Variants in TAOK3 observed in about 807,000 individuals in gnomAD.
TAOK3 encodes the protein TAO kinase 3.
A neutral mutation model predicts 120.4 loss-of-function variants in TAOK3; 40 were observed. That is an observed-to-expected ratio of 0.33 (90% CI 0.26 to 0.43). The LOEUF is 0.43. TAOK3 is among the 20% of genes least tolerant of loss of function. The pLI, the probability that TAOK3 is intolerant of heterozygous loss-of-function variation, is 1.00. For missense variants in TAOK3, 821 were observed against 1,112.1 expected, an observed-to-expected ratio of 0.74 and a Z score of 3.72; for synonymous variants, 355 against 387.5, an observed-to-expected ratio of 0.92 and a Z score of 0.99.
intron 1 of TAOK3, among the ~76,000 whole-genome samples, chr12:118,311,936 C>A (rs1050779479): frequency 6.6e-6 from 1 of 152,046 alleles, no homozygotes; most frequent in Non-Finnish European, 1.5e-5. Context: ...AAAAATAAAA[C>A]CACTAATGAA....
At position 118,199,070 on chromosome 12, in the gene TAOK3, G is replaced by A; in HGVS notation, c.1175C>T (p.Ser392Phe). The A allele has an allele frequency of 6.2e-7, 1 of 1,614,174 alleles. No homozygotes were observed. Among genetic ancestry groups the A allele is most frequent in the South Asian group, 1.1e-5 (1 of 91,074 alleles). Residue 392 changes from serine (S) to phenylalanine (F), a missense_variant, in exon 13 of 21, where the codon TCC (serine) becomes TTC (phenylalanine). By Grantham distance (155) the Ser-to-Phe change is radical. This residue lies in a region of TAOK3 where 467 missense variants were observed against 540.0 expected (regional missense o/e 0.86). Coordinates refer to ENST00000392533, the MANE Select transcript of TAOK3 (RefSeq NM_016281.4). Reference protein sequence around the residue: ...HDDESTINSSSSVVHKKDHVF... With the variant: ...HDDESTINSSFSVVHKKDHVF... ...ACCTACTTTCTTATGCACGACGGAG[G>A]AGCTGGAATTGATTGTGCTTTCGTC... is the stretch of plus-strand genomic sequence containing the variant.
At chr12:118,249,369 C>G (rs2040650356) in intron 3 of TAOK3, among the ~76,000 whole-genome samples, 1 of 152,030 alleles carries the variant, frequency 6.6e-6, no homozygotes, top group African/African-American at 2.4e-5. Flanking sequence ...TGAGACCAGT[C>G]TGGCCAACAT....
At chr12:118,310,544 C>T (rs1417834646) in intron 1 of TAOK3, among the ~76,000 whole-genome samples, 4 of 152,098 alleles carry the variant, frequency 2.6e-5, no homozygotes, top group Non-Finnish European at 5.9e-5. Context: ...ACATCTGTTC[C>T]AAACTGGTAT....
chr12:118,178,780 C>T (rs1293851821), intron 15 of TAOK3, among the ~76,000 whole-genome samples: 1 of 152,198 alleles, frequency 6.6e-6, no homozygotes, highest in Admixed American at 6.5e-5. Context: ...CAATCCACAA[C>T]AGTCACACAT....
intron 1 of TAOK3, among the ~76,000 whole-genome samples, chr12:118,353,146 C>T (rs544611349): frequency 5.3e-5 from 8 of 152,218 alleles, no homozygotes; most frequent in African/African-American, 1.9e-4. Flanking sequence ...AAAATGTTTA[C>T]ATTAGTGAAG....
intron 1 of TAOK3, among the ~76,000 whole-genome samples, chr12:118,295,702 C>T (rs779574000): frequency 6.6e-6 from 1 of 152,178 alleles, no homozygotes; most frequent in Non-Finnish European, 1.5e-5. Context: ...GAAACCTCTA[C>T]AAATTGTCAA....
intron 1 of TAOK3, among the ~76,000 whole-genome samples, chr12:118,284,582 A>G (rs1369485244): frequency 1.3e-5 from 2 of 152,220 alleles, no homozygotes; most frequent in Non-Finnish European, 2.9e-5. Context: ...TTTTCTAGTA[A>G]AACTGAATTG....
chr12:118,356,076 G>T (rs942933173), intron 1 of TAOK3, among the ~76,000 whole-genome samples: 5 of 152,084 alleles, frequency 3.3e-5, no homozygotes, highest in Non-Finnish European at 5.9e-5. Flanking sequence ...TTAGGGAAGG[G>T]CATCAATTCT....
At chr12:118,224,887 AAG>A (rs2039426164) in intron 9 of TAOK3, among the ~76,000 whole-genome samples, 1 of 152,158 alleles carries the variant, frequency 6.6e-6, no homozygotes, top group Admixed American at 6.6e-5. Context: ...GCTATTATGG[AAG>A]AGAGAGATAT....
intron 17 of TAOK3, among the ~76,000 whole-genome samples, chr12:118,169,985 T>C (rs971053694): frequency 1.3e-5 from 2 of 152,028 alleles, no homozygotes; most frequent in African/African-American, 2.4e-5. Flanking sequence ...CTTCCCAAAG[T>C]GCTGGGATTA....
In TAOK3 at chr12:118,372,326, G is replaced by A. The variant is rs1205338495; in HGVS notation, c.-194+322C>T. ...CCCCTCCCCTCATCCCCCTATCCTA[G>A]TGCCTCATGAGGCACCCACCCCTCA... On this transcript the variant is annotated intron_variant, in intron 1 of 20. Coordinates refer to ENST00000392533, the MANE Select transcript of TAOK3 (RefSeq NM_016281.4). The surrounding 1 kb of genome is among the most constrained non-coding windows in gnomAD (Gnocchi z 4.6). Among the ~76,000 whole-genome samples, 2 of 120,006 alleles carry A rather than the reference G, an allele frequency of 1.7e-5. No individual in the cohort carries two copies. Among genetic ancestry groups the A allele is most frequent in the Non-Finnish European group, 3.4e-5 (2 of 58,192 alleles). The allele number at this position is 120,006 out of a possible 152,430, so 78.7% of individuals were successfully genotyped here.
chr12:118,284,423 G>C (rs2042195731), intron 1 of TAOK3, among the ~76,000 whole-genome samples: 1 of 152,158 alleles, frequency 6.6e-6, no homozygotes, highest in South Asian at 2.1e-4. Context: ...TGAAGAGTCA[G>C]CAGTTGATTG....
At chr12:118,206,953 G>A (rs1226835098) in intron 11 of TAOK3, among the ~76,000 whole-genome samples, 2 of 152,050 alleles carry the variant, frequency 1.3e-5, no homozygotes, top group African/African-American at 4.8e-5. Flanking sequence ...AATGCCCTCG[G>A]ACTCTTTTAA....
intron 1 of TAOK3, among the ~76,000 whole-genome samples, chr12:118,284,280 G>C (rs1307460527): frequency 1.3e-5 from 2 of 152,140 alleles, no homozygotes; most frequent in East Asian, 3.8e-4. Context: ...AGGGAGGTCA[G>C]GTTATGGCTA....
chr12:118,295,470 T>C (rs1424755672), intron 1 of TAOK3: 1 of 152,248 alleles, frequency 6.6e-6, no homozygotes, highest in African/African-American at 2.4e-5. Flanking sequence ...ACTCATTATA[T>C]GTTAGCTGCC....
In TAOK3 at chr12:118,199,273, A is replaced by G. The variant is rs1565937182; in HGVS notation, c.988-16T>C. Reference sequence around the variant, plus strand: ...GTTCACTGTCCTGTAAAAATGGGGCACTGAGGTTAGAAAAAAAGACTGAAG... The same window carrying G: ...GTTCACTGTCCTGTAAAAATGGGGCGCTGAGGTTAGAAAAAAAGACTGAAG... On this transcript the variant is annotated splice_polypyrimidine_tract_variant and intron_variant, in intron 12 of 20. Transcript: ENST00000392533. 1.3e-6 allele frequency: 2 copies of G among 1,592,446 alleles called. No individual in the cohort carries two copies.
At chr12:118,320,946 A>C (rs1449498162) in intron 1 of TAOK3, among the ~76,000 whole-genome samples, 3 of 152,216 alleles carry the variant, frequency 2.0e-5, no homozygotes, top group Non-Finnish European at 4.4e-5. Context: ...ATATAACAAG[A>C]AGCAGATCTA....
intron 9 of TAOK3, among the ~76,000 whole-genome samples, chr12:118,217,864 CT>C (rs535188319): frequency 0.37 from 15,101 of 40,428 alleles, 1,967 homozygotes; most frequent in Non-Finnish European, 0.42. Flanking sequence ...TATATATACA[CT>C]TTTTTTTTTT....
At chr12:118,193,676 T>C (rs1219714132) in intron 13 of TAOK3, among the ~76,000 whole-genome samples, 2 of 152,202 alleles carry the variant, frequency 1.3e-5, no homozygotes, top group African/African-American at 4.8e-5. Flanking sequence ...CTTGAACTCC[T>C]GGGCTCAAGC....
Sources: gnomAD v4.1 joint callset for allele counts (sites outside exome capture counted in the v4.1 genomes callset) on GRCh38, gnomAD v4.1.1 for gene constraint, gnomAD v4.1.1 regional missense constraint, Gnocchi (gnomAD v3.1) non-coding constraint, MANE v1.5 for transcripts, NCBI Gene and HGNC (gene_info 2026-07-23, HGNC 2026-07-21) for gene names.